PPP1R3F: variants seen among roughly 807,000 people sequenced by gnomAD.
PPP1R3F encodes the protein protein phosphatase 1, regulatory (inhibitor) subunit 3F.
A neutral mutation model predicts 24.2 loss-of-function variants in PPP1R3F; 29 were observed. The observed-to-expected ratio is 1.20, with a 90% CI of 0.89 to 1.63. The LOEUF (loss-of-function observed/expected upper bound fraction) is 1.63. PPP1R3F is among the 40% of genes most tolerant of loss of function. The pLI is 0.00. For missense variants in PPP1R3F, 823 were observed against 729.3 expected, an observed-to-expected ratio of 1.13 and a Z score of -1.48; for synonymous variants, 363 against 340.1, an observed-to-expected ratio of 1.07 and a Z score of -0.74.
intron 3 of PPP1R3F, among the ~76,000 whole-genome samples, chrX:49,300,227 C>G (rs782137882): frequency 5.4e-5 from 6 of 110,790 alleles, no homozygotes; most frequent in South Asian, 7.6e-4. Flanking sequence ...CCGTTCATCA[C>G]AGCACAGTTC....
At chrX:49,272,287 G>A (rs782436203) in intron 1 of PPP1R3F, among the ~76,000 whole-genome samples, 159 of 111,912 alleles carry the variant, frequency 1.4e-3, no homozygotes, top group Non-Finnish European at 2.7e-3. Context: ...TTTAAAGGGG[G>A]CAGGCAGCAT....
chrX:49,276,209 C>T (rs1174402446), intron 1 of PPP1R3F, among the ~76,000 whole-genome samples: 3 of 112,686 alleles, frequency 2.7e-5, no homozygotes, highest in Non-Finnish European at 5.6e-5. Context: ...ACCAGCAGGG[C>T]AACACTGGGC....
At position 49,269,893 on chromosome X, in the gene PPP1R3F, G is replaced by GC; in HGVS notation, c.29dup (p.Leu11AlafsTer13). On this transcript the variant is annotated frameshift_variant, in exon 1 of 4. Coordinates refer to ENST00000055335, the MANE Select transcript of PPP1R3F (RefSeq NM_033215.5). LOFTEE classifies it high-confidence loss of function. ...ATATGGCGCGTACGGCCCCTGTGGA[G>GC]CCCCCGCTGCGGCATTCCGCGCCCC... 1.1e-6 allele frequency: 1 copy of GC among 904,124 alleles called. No individual in the cohort carries two copies. Among genetic ancestry groups the GC allele is most frequent in the Non-Finnish European group, 1.4e-6 (1 of 734,452 alleles). The allele number at this position is 904,124 out of a possible 1,213,427, so 74.5% of individuals were successfully genotyped here.
At chrX:49,300,028 C>G (rs2066333132) in intron 3 of PPP1R3F, among the ~76,000 whole-genome samples, 1 of 111,667 alleles carries the variant, frequency 9.0e-6, no homozygotes, top group Non-Finnish European at 1.9e-5. Flanking sequence ...ACGGTTCTGT[C>G]TTGCTGGCAT....
downstream of PPP1R3F, among the ~76,000 whole-genome samples, chrX:49,290,524 C>A (rs1326441229): frequency 1.8e-5 from 2 of 111,296 alleles, no homozygotes; most frequent in African/African-American, 3.3e-5. Context: ...GCAAGTCACC[C>A]GTCCTAGACC....
At chrX:49,300,845 C>T (rs1250116408) in intron 3 of PPP1R3F, among the ~76,000 whole-genome samples, 1 of 111,515 alleles carries the variant, frequency 9.0e-6, no homozygotes, top group Non-Finnish European at 1.9e-5. Flanking sequence ...CAGTGATGCT[C>T]AGGATGGGTG....
downstream of PPP1R3F, among the ~76,000 whole-genome samples, chrX:49,289,707 G>A (rs1175554251): frequency 9.0e-6 from 1 of 111,640 alleles, no homozygotes; most frequent in Non-Finnish European, 1.9e-5. Context: ...CTTCTGGGAT[G>A]TCAATAATGG....
rs1602698017 is a variant in PPP1R3F at position 49,270,183 on chromosome X, G to T, written c.314G>T (p.Cys105Phe). Reference protein sequence around the residue: ...EEACPEPSPLCPVPAGGGFYL... With the variant: ...EEACPEPSPLFPVPAGGGFYL... ...GCTTGCCCCGAGCCCTCACCGCTGT[G>T]CCCCGTCCCCGCTGGCGGGGGGTTT... is the stretch of plus-strand genomic sequence containing the variant. Residue 105 changes from cysteine (C) to phenylalanine (F), a missense_variant, in exon 1 of 4, where the codon TGC (cysteine) becomes TTC (phenylalanine). By Grantham distance (205) the Cys-to-Phe change is radical. Transcript: ENST00000055335. 1.8e-6 allele frequency: 2 copies of T among 1,099,182 alleles called. No homozygotes were observed. The highest frequency in any genetic ancestry group is 3.6e-5 in the Admixed American group (1 of 27,875). The allele number at this position is 1,099,182 out of a possible 1,213,427, so 90.6% of individuals were successfully genotyped here. A position where few individuals can be genotyped will look rare whatever the true frequency, so the allele number is the denominator to read the frequency against.
chrX:49,286,591 C>T lies in PPP1R3F; in HGVS notation c.1901C>T (p.Thr634Ile). ...SGCDGPVVLG[T>I]EGQFIGDPEK... ...TGTGACGGCCCTGTGGTTCTGGGTA[C>T]AGAGGGTCAGTTCATTGGGGATCCT... Residue 634 changes from threonine to isoleucine, a missense_variant, in exon 4 of 4, where the codon ACA becomes ATA. Physicochemically the swap from Thr to Ile is moderately conservative, Grantham distance 89 (BLOSUM62 -1). Transcript: ENST00000055335. The T allele has an allele frequency of 2.5e-6, 3 of 1,211,184 alleles. No individual in the cohort carries two copies. The highest frequency in any genetic ancestry group is 3.4e-6 in the Non-Finnish European group (3 of 895,175).
At chrX:49,276,891 A>G (rs963470466) in intron 1 of PPP1R3F, among the ~76,000 whole-genome samples, 3 of 112,092 alleles carry the variant, frequency 2.7e-5, no homozygotes, top group African/African-American at 9.7e-5. Context: ...TGCAATTCTG[A>G]GTATCGTGGG....
At position 49,285,815 on chromosome X, in the gene PPP1R3F, G is replaced by T; in HGVS notation, c.1144-19G>T. The T allele has an allele frequency of 3.6e-6, 4 of 1,124,059 alleles. No homozygotes were observed. Among genetic ancestry groups the T allele is most frequent in the Non-Finnish European group, 4.7e-6 (4 of 849,672 alleles). The allele number at this position is 1,124,059 out of a possible 1,213,427, so 92.6% of individuals were successfully genotyped here. ...TCCCTTGCTTTTTCTCTGCCCCCTT[G>T]CCCCGGCCATGGCTCCAGGTTTCTG... On this transcript the variant is annotated intron_variant, in intron 3 of 3. Transcript: ENST00000055335.
At chrX:49,299,310 C>G (rs1033012132) in intron 3 of PPP1R3F, among the ~76,000 whole-genome samples, 3 of 112,132 alleles carry the variant, frequency 2.7e-5, no homozygotes, top group African/African-American at 3.2e-5. Context: ...CACTCCAGAC[C>G]CTGTTTGCCT....
rs782677688 is a variant in PPP1R3F, at chrX:49,286,960, C to T, written c.2270C>T (p.Pro757Leu). The T allele has an allele frequency of 7.4e-6, 9 of 1,209,739 alleles. No homozygotes were observed. In the East Asian group the frequency reaches 2.4e-4, roughly 32 times the overall value. The change falls in exon 4 of 4, where the codon CCT (proline) becomes CTT (leucine). Residue 757 changes from proline (P) to leucine (L), a missense_variant. By Grantham distance (98) the Pro-to-Leu change is moderately conservative. Coordinates refer to ENST00000055335, the MANE Select transcript of PPP1R3F (RefSeq NM_033215.5). Reference protein sequence around the residue: ...VPAECVCALPPQLRGPLTQTL... With the variant: ...VPAECVCALPLQLRGPLTQTL... Reference sequence around the variant, plus strand: ...GCAGAATGTGTGTGTGCACTGCCTCCTCAGCTCCGGGGGCCCTTGACCCAG... The same window carrying T: ...GCAGAATGTGTGTGTGCACTGCCTCTTCAGCTCCGGGGGCCCTTGACCCAG...
chrX:49,297,229 T>A (rs1364436386), intron 3 of PPP1R3F, among the ~76,000 whole-genome samples: 6 of 70,295 alleles, frequency 8.5e-5, no homozygotes, highest in Non-Finnish European at 1.6e-4. Context: ...TTATTTATTT[T>A]TTGAGACAGA....
chrX:49,286,510 G>C lies in PPP1R3F; in HGVS notation c.1820G>C (p.Arg607Pro). Reference sequence around the variant, plus strand: ...CCTCCAGAAATCCTCTCCGGGGCCCGTTCTGTGGTAGCCACGATGGGAGAT... The same window carrying C: ...CCTCCAGAAATCCTCTCCGGGGCCCCTTCTGTGGTAGCCACGATGGGAGAT... ...ESPPEILSGA[R>P]SVVATMGDVW... is the part of the protein sequence containing the mutation. Residue 607 changes from arginine (R) to proline (P), a missense_variant, in exon 4 of 4, where the codon CGT becomes CCT. Transcript: ENST00000055335. The C allele has an allele frequency of 8.3e-7, 1 of 1,210,292 alleles. No individual in the cohort carries two copies. The highest frequency in any genetic ancestry group is 1.8e-5 in the South Asian group (1 of 56,814).
At chrX:49,294,288 C>T (rs1018239220) in intron 3 of PPP1R3F, among the ~76,000 whole-genome samples, 7 of 107,398 alleles carry the variant, frequency 6.5e-5, no homozygotes, top group African/African-American at 2.4e-4. Context: ...TTTGAGATAG[C>T]GGCTCACTGC....
rs192400441 is a variant in PPP1R3F at position 49,299,038 on chromosome X, T to C, written c.393-2313T>C. 4.8e-4 allele frequency among the ~76,000 whole-genome samples: 53 copies of C among 111,111 alleles called. No individual in the cohort carries two copies. The East Asian group carries it at 0.015, about 30-fold the overall frequency. ...GTCAAACTCATTCTCGGTCCAGTTT[T>C]ATTTCCTTGCTGGCAAGGAGTTGTG... On this transcript the variant is annotated intron_variant, in intron 3 of 3. Coordinates refer to the PPP1R3F transcript ENST00000471261.
At chrX:49,283,758 T>G in intron 3 of PPP1R3F, among the ~76,000 whole-genome samples, 1 of 111,435 alleles carries the variant, frequency 9.0e-6, no homozygotes, top group Non-Finnish European at 1.9e-5. Context: ...TCTTACTCCA[T>G]TTTTATTAAT....
In PPP1R3F at chrX:49,270,073, G is replaced by A. The variant is rs1442922475; in HGVS notation, c.204G>A (p.Ala68=). The A allele has an allele frequency of 3.0e-6, 3 of 993,941 alleles. No individual in the cohort carries two copies. The highest frequency in any genetic ancestry group is 3.8e-6 in the Non-Finnish European group (3 of 792,625). The allele number at this position is 993,941 out of a possible 1,213,427, so 81.9% of individuals were successfully genotyped here. A position where few individuals can be genotyped will look rare whatever the true frequency, so the allele number is the denominator to read the frequency against. The change falls in exon 1 of 4, where the codon GCG becomes GCA. Residue 68 remains alanine, a synonymous_variant. Coordinates refer to ENST00000055335, the MANE Select transcript of PPP1R3F (RefSeq NM_033215.5). The part of the protein sequence containing the change: ...GGPGAGKMAA[A]AGQDGGGGGG... ...CCGGGGCGGGCAAGATGGCGGCGGC[G>A]GCCGGGCAAGATGGCGGCGGCGGCG... is the stretch of plus-strand genomic sequence containing the variant.
Sources: gnomAD v4.1 joint callset for allele counts (sites outside exome capture counted in the v4.1 genomes callset) on GRCh38, gnomAD v4.1.1 for gene constraint, MANE v1.5 for transcripts, NCBI Gene and HGNC (gene_info 2026-07-23, HGNC 2026-07-21) for gene names.